Variants in KIFC3 observed in about 807,000 individuals in gnomAD.
The protein encoded by KIFC3 is kinesin-like protein KIFC3.
KIFC3 carries 60 observed loss-of-function variants against 101.8 expected under a neutral mutation model. The ratio of observed to expected loss-of-function variants is 0.59; its 90% CI spans 0.48 to 0.73. KIFC3 has a LOEUF of 0.73. Ranked by LOEUF, KIFC3 falls within the 30% of genes least tolerant of loss-of-function variation. The probability of loss-of-function intolerance (pLI) is 0.00; values close to 1 mark genes in which losing one functional copy is unlikely to be tolerated. For synonymous variants in KIFC3, 476 were observed against 482.7 expected, an observed-to-expected ratio of 0.99 and a Z score of 0.18; for missense variants, 966 against 1,137.1, an observed-to-expected ratio of 0.85 and a Z score of 2.16.
intron 3 of KIFC3, chr16:57,775,582 C>T: frequency 1.0e-6 from 1 of 985,910 alleles, no homozygotes; most frequent in Non-Finnish European, 1.2e-6. Flanking sequence ...GAGCCAAGAG[C>T]AGGCAGGGCC....
rs2054492470 is a variant in KIFC3 at position 57,798,170 on chromosome 16, G to A, written c.74C>T (p.Ala25Val). The A allele has an allele frequency of 1.3e-6, 2 of 1,540,278 alleles. No homozygotes were observed. The highest frequency in any genetic ancestry group is 1.2e-5 in the South Asian group (1 of 82,472). ...AGCCATCCCCGGCTCGGGCTCCGGG[G>A]CCCGGCCCACTCTCCACAGGCCCCG... ...SLRGLWRVGR[A>V]PEPEPGMARP... is the part of the protein sequence containing the mutation. The change falls in exon 2 of 20, where the codon GCC (alanine) becomes GTC (valine). Residue 25 changes from alanine to valine, a missense_variant. Ala to Val is a moderately conservative substitution (Grantham distance 64). This residue lies in a region of KIFC3 where 277 missense variants were observed against 252.5 expected (regional missense o/e 1.10). Coordinates refer to ENST00000445690, the MANE Select transcript of KIFC3 (RefSeq NM_001130100.2).
chr16:57,759,712 G>C lies in KIFC3; in HGVS notation c.2476+16C>G. The C allele has an allele frequency of 1.3e-6, 2 of 1,591,760 alleles. No individual in the cohort carries two copies. The highest frequency in any genetic ancestry group is 1.7e-6 in the Non-Finnish European group (2 of 1,166,406). The stretch of plus-strand genomic sequence containing the variant: ...CCTGGGGAGACTCCCCACCCACACT[G>C]CCACTCCAGGCTCACCCGAGGGCTG... On this transcript the variant is annotated intron_variant, in intron 18 of 19. Transcript: ENST00000445690.
At chr16:57,812,345 C>A (rs1272406796) in intron 1 of KIFC3, among the ~76,000 whole-genome samples, 1 of 100,380 alleles carries the variant, frequency 1.0e-5, no homozygotes, top group African/African-American at 3.5e-5. Flanking sequence ...CCCAGCCCCC[C>A]ATCTCTTAAA....
intron 9 of KIFC3, 45 bp from the exon 10 acceptor site, chr16:57,767,030 C>T: frequency 6.6e-7 from 1 of 1,526,134 alleles, no homozygotes; most frequent in Admixed American, 1.7e-5. Flanking sequence ...GCTCCATCAG[C>T]CTTACCGGCC....
intron 1 of KIFC3, among the ~76,000 whole-genome samples, chr16:57,849,566 TAA>T (rs745318339): frequency 6.6e-4 from 101 of 152,320 alleles, no homozygotes; most frequent in Non-Finnish European, 5.6e-4. Context: ...AAGGAGAACG[TAA>T]ACTCACTGCC....
chr16:57,859,791 G>A (rs2056255174), intron 1 of KIFC3, among the ~76,000 whole-genome samples: 1 of 151,970 alleles, frequency 6.6e-6, no homozygotes, highest in Non-Finnish European at 1.5e-5. Flanking sequence ...GGAGGCTGAG[G>A]CGGGCAGACC....
At chr16:57,830,671 T>C (rs782087873) in intron 1 of KIFC3, 24 of 152,216 alleles carry the variant, frequency 1.6e-4, no homozygotes, top group Non-Finnish European at 2.6e-4. Context: ...CTGGGAATAA[T>C]AGCAATGCCC....
chr16:57,776,318 G>A, intron 3 of KIFC3: 1 of 985,498 alleles, frequency 1.0e-6, no homozygotes, highest in Non-Finnish European at 1.2e-6. Flanking sequence ...GCCTGATCCT[G>A]GCTGTATGAC....
chr16:57,784,427 C>T (rs529760445), intron 3 of KIFC3, among the ~76,000 whole-genome samples: 1 of 152,336 alleles, frequency 6.6e-6, no homozygotes, highest in Admixed American at 6.5e-5. Flanking sequence ...GAAGAGGACA[C>T]ACCTGTAAGC....
intron 2 of KIFC3, among the ~76,000 whole-genome samples, chr16:57,796,424 T>C (rs2054327060): frequency 6.6e-6 from 1 of 152,234 alleles, no homozygotes; most frequent in East Asian, 1.9e-4. Context: ...ACCGGAAGCC[T>C]GGAAGGGTTA....
At chr16:57,759,201 A>C (rs1555593012) in intron 18 of KIFC3, 48 bp from the exon 19 acceptor site, 7 of 1,549,116 alleles carry the variant, frequency 4.5e-6, no homozygotes, top group Non-Finnish European at 6.1e-6. Context: ...GCCTTGGGCC[A>C]GTACCCCACA....
chr16:57,835,712 G>A (rs959455264), intron 1 of KIFC3, among the ~76,000 whole-genome samples: 1 of 151,926 alleles, frequency 6.6e-6, no homozygotes, highest in Non-Finnish European at 1.5e-5. Context: ...CACTTCGGGA[G>A]GCCGAGGCAG....
chr16:57,794,954 T>G, intron 3 of KIFC3, 45 bp downstream of exon 3: 1 of 1,487,742 alleles, frequency 6.7e-7, no homozygotes, highest in Non-Finnish European at 8.9e-7. Flanking sequence ...CCACTGGAGC[T>G]CAGAGAGCCA....
intron 11 of KIFC3, among the ~76,000 whole-genome samples, chr16:57,764,836 A>T (rs1555601271): frequency 2.4e-5 from 1 of 42,086 alleles, no homozygotes; most frequent in Non-Finnish European, 4.6e-5. Flanking sequence ...TGGGGGTGGG[A>T]GGGGCTGTGA....
At chr16:57,852,196 A>C (rs1410569166) in intron 1 of KIFC3, among the ~76,000 whole-genome samples, 1 of 152,196 alleles carries the variant, frequency 6.6e-6, no homozygotes, top group African/African-American at 2.4e-5. Context: ...AAGATGAGAC[A>C]CTAACAGTCA....
At chr16:57,852,060 C>T (rs2056070217) in intron 1 of KIFC3, among the ~76,000 whole-genome samples, 1 of 151,874 alleles carries the variant, frequency 6.6e-6, no homozygotes, top group South Asian at 2.1e-4. Flanking sequence ...TTTTTTATTT[C>T]TTCCTTTCTT....
intron 1 of KIFC3, among the ~76,000 whole-genome samples, chr16:57,818,201 C>A (rs2055273987): frequency 6.6e-6 from 1 of 152,144 alleles, no homozygotes; most frequent in African/African-American, 2.4e-5. Flanking sequence ...CCTGCCTTAG[C>A]TTCCCAAAGT....
At position 57,764,128 on chromosome 16, in the gene KIFC3, T is replaced by C. The variant is rs1194682537; in HGVS notation, c.1617+15A>G. The C allele has an allele frequency of 3.8e-6, 6 of 1,591,770 alleles. No individual in the cohort carries two copies. The highest frequency in any genetic ancestry group is 2.7e-5 in the African/African-American group (2 of 74,502). On this transcript the variant is annotated intron_variant, in intron 12 of 19. Transcript: ENST00000445690. Reference sequence around the variant, plus strand: ...TGCTTCACTGTGAACCCCCACCCCATTGGGCAGCACCCACCTCCATCGTGT... The same window carrying C: ...TGCTTCACTGTGAACCCCCACCCCACTGGGCAGCACCCACCTCCATCGTGT...
intron 17 of KIFC3, 99 bp from the exon 18 acceptor site, chr16:57,759,935 C>G: frequency 1.2e-6 from 1 of 843,828 alleles, no homozygotes; most frequent in Non-Finnish European, 1.8e-6. Flanking sequence ...TCCTAACACC[C>G]AGTTTCCTCA....
Sources: allele counts gnomAD v4.1 joint callset (sites outside exome capture counted in the v4.1 genomes callset), GRCh38; gene constraint gnomAD v4.1.1; regional missense constraint gnomAD v4.1.1; transcripts MANE v1.5; gene names NCBI Gene and HGNC (gene_info 2026-07-23, HGNC 2026-07-21).